IL15: variants seen among roughly 807,000 people sequenced by gnomAD.
The protein encoded by IL15 is interleukin 15.
A neutral mutation model predicts 19.6 loss-of-function variants in IL15; 11 were observed. The ratio of observed to expected loss-of-function variants is 0.56; its 90% confidence interval spans 0.35 to 0.93. The LOEUF (loss-of-function observed/expected upper bound fraction) is 0.93. Ranked by LOEUF, IL15 falls within the 40% of genes least tolerant of loss-of-function variation. IL15 has a pLI of 0.01. For synonymous variants in IL15, 58 were observed against 59.6 expected, an observed-to-expected ratio of 0.97 and a Z score of 0.12; for missense variants, 197 against 186.5, an observed-to-expected ratio of 1.06 and a Z score of -0.33.
intron 5 of IL15, among the ~76,000 whole-genome samples, chr4:141,724,169 C>T (rs765719161): frequency 1.1e-4 from 17 of 151,846 alleles, no homozygotes; most frequent in South Asian, 4.1e-4. Flanking sequence ...TTAAATACAA[C>T]GGGCAAATCT....
At chr4:141,723,837 A>T (rs1730174117) in intron 5 of IL15, among the ~76,000 whole-genome samples, 1 of 152,182 alleles carries the variant, frequency 6.6e-6, no homozygotes, top group Non-Finnish European at 1.5e-5. Context: ...AAGACTCAAA[A>T]TTTGTGAAAC....
chr4:141,663,616 A>G (rs150735615), intron 2 of IL15, among the ~76,000 whole-genome samples: 248 of 152,344 alleles, frequency 1.6e-3, no homozygotes, highest in African/African-American at 5.5e-3. Context: ...GCCTGTTCAG[A>G]TTCTTCTTGC....
At chr4:141,705,849 C>T (rs1014880886) in intron 2 of IL15, among the ~76,000 whole-genome samples, 6 of 151,832 alleles carry the variant, frequency 4.0e-5, no homozygotes, top group African/African-American at 1.5e-4. Context: ...CCTCTTTTTA[C>T]AGTTTTTGAC....
At chr4:141,665,891 G>A (rs952365721) in intron 2 of IL15, among the ~76,000 whole-genome samples, 2 of 151,938 alleles carry the variant, frequency 1.3e-5, no homozygotes, top group African/African-American at 4.8e-5. Context: ...TTTCCTAGGT[G>A]ACTAAAACAA....
intron 2 of IL15, among the ~76,000 whole-genome samples, chr4:141,683,086 T>A (rs1274774409): frequency 6.7e-6 from 1 of 149,948 alleles, no homozygotes; most frequent in Non-Finnish European, 1.5e-5. Context: ...CTAGCCAACA[T>A]GGTGAAACCC....
intron 1 of IL15, among the ~76,000 whole-genome samples, chr4:141,639,490 A>C (rs1447829424): frequency 6.6e-6 from 1 of 152,164 alleles, no homozygotes; most frequent in Non-Finnish European, 1.5e-5. Flanking sequence ...AATCTGCATC[A>C]CTTTCTGCTG....
chr4:141,685,913 G>A lies in IL15; in HGVS notation c.-100+29606G>A, dbSNP rs916347091. Among the ~76,000 whole-genome samples, 10 of 152,020 alleles carry A rather than the reference G, an allele frequency of 6.6e-5. 1 individual carries two copies. The highest frequency in any genetic ancestry group is 5.2e-4 in the Admixed American group (8 of 15,284). ...TCTTACTGTTACAGCCATTGGGGTC[G>A]CCTCATTAGTCTTTATGATTTGTAG... is the stretch of plus-strand genomic sequence containing the variant. On this transcript the variant is annotated intron_variant, in intron 2 of 7. Transcript: ENST00000320650.
At chr4:141,691,812 G>A (rs1728921774) in intron 2 of IL15, among the ~76,000 whole-genome samples, 1 of 152,156 alleles carries the variant, frequency 6.6e-6, no homozygotes, top group African/African-American at 2.4e-5. Flanking sequence ...GGTTTTCCAG[G>A]ATCATATTGC....
intron 2 of IL15, among the ~76,000 whole-genome samples, chr4:141,688,063 G>A (rs536355890): frequency 4.9e-4 from 75 of 152,090 alleles, no homozygotes; most frequent in Non-Finnish European, 9.1e-4. Context: ...ACTCCCTAAG[G>A]GCAGCTTACA....
intron 2 of IL15, among the ~76,000 whole-genome samples, chr4:141,680,192 A>G (rs76174371): frequency 6.6e-6 from 1 of 151,738 alleles, no homozygotes; most frequent in Non-Finnish European, 1.5e-5. Context: ...TAGGATTCTG[A>G]TAGGGAAACT....
intron 2 of IL15, chr4:141,714,561 CCTAAAAGTG>C (rs1729812511): frequency 6.6e-6 from 1 of 152,202 alleles, no homozygotes; most frequent in Non-Finnish European, 1.5e-5. Flanking sequence ...CCATCTAACC[CCTAAAAGTG>C]CTATTGTCAG....
At chr4:141,706,578 C>A (rs1469171374) in intron 2 of IL15, among the ~76,000 whole-genome samples, 1 of 152,062 alleles carries the variant, frequency 6.6e-6, no homozygotes, top group Non-Finnish European at 1.5e-5. Context: ...TTGTACCACT[C>A]CTTTAAGCAT....
At chr4:141,687,096 GTTTGGAAGGAAGCC>G (rs1728736719) in intron 2 of IL15, among the ~76,000 whole-genome samples, 1 of 152,158 alleles carries the variant, frequency 6.6e-6, no homozygotes, top group African/African-American at 2.4e-5. Context: ...GAAGTTCATT[GTTTGGAAGGAAGCC>G]TTAGAGAAGT....
rs1727589469 is a variant in IL15 at position 141,656,215 on chromosome 4, C to T, written c.-192C>T. The T allele has an allele frequency of 5.0e-6, 2 of 398,224 alleles. No individual in the cohort carries two copies. Among genetic ancestry groups the T allele is most frequent in the African/African-American group, 2.1e-5 (1 of 48,592 alleles). The allele number at this position is 398,224 out of a possible 1,614,324, so 24.7% of individuals were successfully genotyped here. A position where few individuals can be genotyped will look rare whatever the true frequency, so the allele number is the denominator to read the frequency against. On this transcript the variant is annotated 5_prime_UTR_variant, in exon 2 of 8. Coordinates refer to ENST00000320650, the MANE Select transcript of IL15 (RefSeq NM_000585.5). ...CATTCCAATATATGGCCATGTGGCT[C>T]TTTGGAGCAATGTTCCATCATGTTC...
At chr4:141,698,820 A>T (rs1729187597) in intron 2 of IL15, among the ~76,000 whole-genome samples, 1 of 148,290 alleles carries the variant, frequency 6.7e-6, no homozygotes, top group Non-Finnish European at 1.5e-5. Context: ...TTTTTCTTTC[A>T]TTTTCATTTA....
intron 1 of IL15, among the ~76,000 whole-genome samples, chr4:141,654,737 T>C (rs1727532228): frequency 6.6e-6 from 1 of 152,212 alleles, no homozygotes; most frequent in African/African-American, 2.4e-5. Context: ...CTTTCAAGTA[T>C]GTGTTACTTA....
chr4:141,638,015 C>A (rs564870371), intron 1 of IL15, among the ~76,000 whole-genome samples: 43 of 152,114 alleles, frequency 2.8e-4, no homozygotes, highest in Non-Finnish European at 5.4e-4. Flanking sequence ...AGCTTGAGAC[C>A]AGGAGTTCCA....
intron 2 of IL15, among the ~76,000 whole-genome samples, chr4:141,664,019 A>G (rs1727881812): frequency 1.3e-5 from 2 of 152,160 alleles, no homozygotes; most frequent in Admixed American, 1.3e-4. Context: ...TCTCAAAGCC[A>G]TTTTGTAATG....
chr4:141,710,148 C>T (rs1038277945), intron 2 of IL15, among the ~76,000 whole-genome samples: 6 of 152,118 alleles, frequency 3.9e-5, no homozygotes, highest in African/African-American at 1.4e-4. Flanking sequence ...AAAATTCAGT[C>T]TACTGTTAAT....
Sources: allele counts gnomAD v4.1 joint callset (sites outside exome capture counted in the v4.1 genomes callset), GRCh38; gene constraint gnomAD v4.1.1; transcripts MANE v1.5; gene names NCBI Gene and HGNC (gene_info 2026-07-23, HGNC 2026-07-21).